The following CASD1 variants were observed in gnomAD, a reference collection of about 807,000 sequenced individuals.
The protein encoded by CASD1 is CAS1 domain sialic acid O acetyltransferase 1.
In CASD1, 41 loss-of-function variants were observed where a neutral mutation model predicts 100.0. The observed-to-expected ratio is 0.41, with a 90% CI of 0.32 to 0.53. The LOEUF is 0.53. CASD1 is among the 20% of genes least tolerant of loss of function. CASD1 has a pLI of 0.25. For missense variants in CASD1, 774 were observed against 948.7 expected (o/e 0.82, Z 2.42); for synonymous variants, 321 against 315.6 (o/e 1.02, Z -0.18).
the CASD1 span, chr7:94,617,643 C>A: frequency 6.6e-6 from 1 of 152,174 alleles, no homozygotes. Flanking sequence ...GGTACATAGA[C>A]AAGAGATAAA....
the CASD1 span, chr7:94,587,717 G>C: frequency 6.5e-7 from 1 of 1,533,590 alleles, no homozygotes; most frequent in South Asian, 1.3e-5. Flanking sequence ...CAAAATTGTA[G>C]GGAAAAATTC....
the CASD1 span, among the ~76,000 whole-genome samples, chr7:94,566,172 CAAAT>C: frequency 2.3e-4 from 35 of 152,056 alleles, no homozygotes; most frequent in Admixed American, 7.9e-4. Context: ...TAGTTAATAA[CAAAT>C]GAATGCAGAA....
chr7:94,576,314 A>G, the CASD1 span, among the ~76,000 whole-genome samples: 1 of 152,166 alleles, frequency 6.6e-6, no homozygotes, highest in Non-Finnish European at 1.5e-5. Flanking sequence ...TACACATTTC[A>G]AAGAAATGTT....
At chr7:94,632,377 A>G in the CASD1 span, among the ~76,000 whole-genome samples, 1 of 152,060 alleles carries the variant, frequency 6.6e-6, no homozygotes, top group African/African-American at 2.4e-5. Flanking sequence ...TCTGCGTTCT[A>G]CAGAGCCAAG....
At chr7:94,548,793 C>CT (rs1795806433) in intron 13 of CASD1, among the ~76,000 whole-genome samples, 1 of 151,660 alleles carries the variant, frequency 6.6e-6, no homozygotes, top group Non-Finnish European at 1.5e-5. Flanking sequence ...CATTGTGATT[C>CT]TTTATTCTGA....
the CASD1 span, among the ~76,000 whole-genome samples, chr7:94,586,061 G>GGA: frequency 1.4e-4 from 4 of 28,908 alleles, no homozygotes; most frequent in Non-Finnish European, 2.4e-4. Flanking sequence ...GGAACTAAAT[G>GGA]AAAAAAAAAA....
the CASD1 span, chr7:94,600,080 A>T: frequency 1.4e-4 from 30 of 217,538 alleles, no homozygotes; most frequent in Non-Finnish European, 9.1e-6. Context: ...ACTTCCAGAT[A>T]ATCTTGGGAG....
At chr7:94,572,187 A>G in the CASD1 span, among the ~76,000 whole-genome samples, 7 of 152,008 alleles carry the variant, frequency 4.6e-5, no homozygotes, top group Admixed American at 1.3e-4. Flanking sequence ...GACTCTCTAG[A>G]TTTCCTAAAT....
Position 94,510,190 on chromosome 7 carries a change from T to C in CASD1, c.106T>C (p.Cys36Arg). The change falls in exon 1 of 18, where the codon TGC becomes CGC. Residue 36 changes from cysteine to arginine, a missense_variant. Around this residue, in one of 5 missense-constraint regions of CASD1, gnomAD observed 75 missense variants for 60.9 expected, o/e 1.23. Coordinates refer to ENST00000297273, the MANE Select transcript of CASD1 (RefSeq NM_022900.5). ...GGTGGCCGTGCTGCTGCTCGCAGCG[T>C]GCCACCTCGCCTCCCGCCGCTACCG... The part of the protein sequence containing the change: ...ALVAVLLLAA[C>R]HLASRRYRGN... The C allele has an allele frequency of 3.3e-6, 5 of 1,500,690 alleles. No homozygotes were observed. The highest frequency in any genetic ancestry group is 4.4e-6 in the Non-Finnish European group (5 of 1,125,552). The allele number at this position is 1,500,690 out of a possible 1,614,324, so 93.0% of individuals were successfully genotyped here. A position where few individuals can be genotyped will look rare whatever the true frequency, so the allele number is the denominator to read the frequency against.
At chr7:94,546,912 TC>T (rs1795708477) in intron 12 of CASD1, among the ~76,000 whole-genome samples, 183 bp from the exon 13 acceptor site, 1 of 151,810 alleles carries the variant, frequency 6.6e-6, no homozygotes, top group African/African-American at 2.4e-5. Flanking sequence ...CTAGCAAGAA[TC>T]CTTTGTTTTT....
chr7:94,574,676 A>C, the CASD1 span, among the ~76,000 whole-genome samples: 688 of 152,016 alleles, frequency 4.5e-3, 2 homozygotes, highest in Non-Finnish European at 7.5e-3. Flanking sequence ...TTCAAAAAAA[A>C]AAAAAATTCC....
the CASD1 span, among the ~76,000 whole-genome samples, chr7:94,573,414 TTG>T: frequency 6.6e-6 from 1 of 152,208 alleles, no homozygotes; most frequent in Non-Finnish European, 1.5e-5. Flanking sequence ...GAGCAGTGTT[TTG>T]TAATTCTCAT....
intron 5 of CASD1, 148 bp downstream of exon 5, chr7:94,528,398 C>G (rs1018911598): frequency 7.6e-6 from 4 of 527,570 alleles, no homozygotes; most frequent in Non-Finnish European, 1.3e-5. Flanking sequence ...TGGACTGATT[C>G]TAGCACTTCA....
chr7:94,522,489 G>A (rs989306271), intron 3 of CASD1, among the ~76,000 whole-genome samples: 2 of 152,146 alleles, frequency 1.3e-5, no homozygotes, highest in Non-Finnish European at 2.9e-5. Context: ...TGGGAGAATT[G>A]CATACTGCTC....
At chr7:94,587,206 T>C in the CASD1 span, 1 of 985,516 alleles carries the variant, frequency 1.0e-6, no homozygotes, top group Non-Finnish European at 1.2e-6. Context: ...AAGTGCTCTG[T>C]ATTACTAAAA....
At position 94,556,832 on chromosome 7, in the gene CASD1, A is replaced by G. The variant is rs1796225508; in HGVS notation, c.*1074A>G. On this transcript the variant is annotated 3_prime_UTR_variant, in exon 18 of 18. Transcript: ENST00000297273. ...ATACATTTATTTATCTGTTGTACAG[A>G]TTTGATTATGATTTTAATGTTTGAA... is the stretch of plus-strand genomic sequence containing the variant. 2 of 151,866 alleles carry G rather than the reference A, an allele frequency of 1.3e-5. No homozygotes were observed. Among genetic ancestry groups the G allele is most frequent in the African/African-American group, 4.8e-5 (2 of 41,406 alleles). The allele number at this position is 151,866 out of a possible 1,614,324, so 9.4% of individuals were successfully genotyped here.
At chr7:94,631,840 A>G in the CASD1 span, among the ~76,000 whole-genome samples, 1 of 152,040 alleles carries the variant, frequency 6.6e-6, no homozygotes, top group Non-Finnish European at 1.5e-5. Flanking sequence ...AGCAGAGAAC[A>G]TTACAAATAA....
chr7:94,512,485 A>C (rs1793762341), intron 1 of CASD1, among the ~76,000 whole-genome samples: 1 of 152,202 alleles, frequency 6.6e-6, no homozygotes, highest in Admixed American at 6.5e-5. Context: ...GTTTGGATAT[A>C]CATATTCAGT....
the CASD1 span, among the ~76,000 whole-genome samples, chr7:94,602,906 T>C: frequency 6.6e-6 from 1 of 152,154 alleles, no homozygotes; most frequent in African/African-American, 2.4e-5. Context: ...TATTTTCAGA[T>C]TTATTATTGT....
Sources: allele counts gnomAD v4.1 joint callset (sites outside exome capture counted in the v4.1 genomes callset), GRCh38; gene constraint gnomAD v4.1.1; regional missense constraint gnomAD v4.1.1; transcripts MANE v1.5; gene names NCBI Gene and HGNC (gene_info 2026-07-23, HGNC 2026-07-21).